The following SLC39A11 variants were observed in gnomAD, a reference collection of about 807,000 sequenced individuals.
The protein encoded by SLC39A11 is zinc transporter ZIP11.
Under a neutral mutation model 36.1 loss-of-function variants are expected in SLC39A11, and 33 were observed. The ratio of observed to expected loss-of-function variants is 0.91; its 90% CI spans 0.69 to 1.22. The LOEUF is 1.22. Among genes scored for constraint, SLC39A11 ranks in the 50% most tolerant of loss-of-function variants. SLC39A11 has a pLI of 0.00. For missense variants in SLC39A11, 432 were observed against 430.3 expected (o/e 1.00, Z -0.03); for synonymous variants, 166 against 170.3 (o/e 0.97, Z 0.20).
chr17:72,701,726 TCAAAA>T (rs2072633764), intron 7 of SLC39A11, among the ~76,000 whole-genome samples: 1 of 24,784 alleles, frequency 4.0e-5, no homozygotes. Context: ...AGATTCTGTC[TCAAAA>T]AAAAAAAAAA....
At chr17:72,810,539 A>G (rs1332557362) in intron 6 of SLC39A11, among the ~76,000 whole-genome samples, 1 of 152,232 alleles carries the variant, frequency 6.6e-6, no homozygotes, top group Admixed American at 6.5e-5. Flanking sequence ...GAGCAGGTGG[A>G]ACCTATCTAT....
chr17:72,966,376 C>T (rs1325353154), intron 4 of SLC39A11, among the ~76,000 whole-genome samples: 3 of 152,188 alleles, frequency 2.0e-5, no homozygotes, highest in African/African-American at 4.8e-5. Context: ...TACTACCGCC[C>T]CCCACAGAGG....
At position 72,785,342 on chromosome 17, in the gene SLC39A11, G is replaced by C. The variant is rs200298570; in HGVS notation, c.602-48623C>G. On this transcript the variant is annotated intron_variant, in intron 6 of 9. Coordinates refer to ENST00000255559, the MANE Select transcript of SLC39A11 (RefSeq NM_139177.4). ...CTCTCCCAATCTCTCTCTCCTCCAT[G>C]GCTAGATGTTTGTAGGCTGAAGGGA... is the stretch of plus-strand genomic sequence containing the variant. Among the ~76,000 whole-genome samples the C allele has an allele frequency of 2.0e-5, 3 of 152,122 alleles. No individual in the cohort carries two copies. The East Asian group carries it at 5.8e-4, about 29-fold the overall frequency.
At chr17:73,009,260 G>A (rs368625404) in intron 4 of SLC39A11, among the ~76,000 whole-genome samples, 28 of 150,596 alleles carry the variant, frequency 1.9e-4, no homozygotes, top group Admixed American at 5.3e-4. Context: ...TCCCCGCTAC[G>A]GGGGAGGCTG....
chr17:72,731,285 G>A (rs997241594), intron 7 of SLC39A11, among the ~76,000 whole-genome samples: 2 of 152,170 alleles, frequency 1.3e-5, no homozygotes, highest in African/African-American at 4.8e-5. Context: ...TCGTTTCTGT[G>A]TAGAGAATCC....
intron 3 of SLC39A11, among the ~76,000 whole-genome samples, chr17:73,084,369 T>C (rs1050200091): frequency 2.2e-5 from 3 of 138,602 alleles, no homozygotes; most frequent in Non-Finnish European, 4.5e-5. Context: ...TCCAGAGAAG[T>C]TGAAGCTGCA....
At chr17:73,026,829 C>T (rs549714889) in intron 4 of SLC39A11, among the ~76,000 whole-genome samples, 4 of 152,044 alleles carry the variant, frequency 2.6e-5, no homozygotes, top group South Asian at 2.1e-4. Context: ...AAACTGAAGG[C>T]GGGCCAGGTG....
chr17:72,850,538 T>C (rs1049735385), intron 5 of SLC39A11, among the ~76,000 whole-genome samples: 1 of 149,306 alleles, frequency 6.7e-6, no homozygotes, highest in Non-Finnish European at 1.5e-5. Flanking sequence ...AAGATGAAGA[T>C]GTGGTATCCT....
intron 4 of SLC39A11, among the ~76,000 whole-genome samples, chr17:72,954,397 A>G (rs937003687): frequency 8.5e-5 from 13 of 152,240 alleles, no homozygotes; most frequent in African/African-American, 3.1e-4. Flanking sequence ...AGCTACAGCT[A>G]CATGGAAGCC....
intron 7 of SLC39A11, among the ~76,000 whole-genome samples, chr17:72,677,532 G>A (rs756997288): frequency 6.6e-6 from 1 of 152,174 alleles, no homozygotes; most frequent in Non-Finnish European, 1.5e-5. Context: ...ATTTAAAGCC[G>A]GAAGTGACGC....
At chr17:73,059,149 T>A (rs2059762007) in intron 3 of SLC39A11, among the ~76,000 whole-genome samples, 1 of 152,206 alleles carries the variant, frequency 6.6e-6, no homozygotes, top group Non-Finnish European at 1.5e-5. Flanking sequence ...TATAAATACT[T>A]TGGCATCTTG....
chr17:72,799,957 T>C (rs1471156059), intron 6 of SLC39A11, among the ~76,000 whole-genome samples: 2 of 152,072 alleles, frequency 1.3e-5, no homozygotes, highest in African/African-American at 4.8e-5. Flanking sequence ...GGTCTGAGAC[T>C]CAGGCGGGCA....
intron 7 of SLC39A11, among the ~76,000 whole-genome samples, chr17:72,676,070 T>TCA (rs3222866): frequency 0.038 from 4,933 of 129,934 alleles, 75 homozygotes; most frequent in Middle Eastern, 0.07. Flanking sequence ...TCACAATGTT[T>TCA]CACACACACA....
chr17:72,736,558 A>G, intron 7 of SLC39A11, 92 bp downstream of exon 7: 2 of 1,113,462 alleles, frequency 1.8e-6, no homozygotes, highest in Non-Finnish European at 2.7e-6. Flanking sequence ...GTGCTGAACA[A>G]TAATGCACAG....
chr17:73,081,712 C>T (rs1232599350), intron 3 of SLC39A11, among the ~76,000 whole-genome samples: 5 of 139,952 alleles, frequency 3.6e-5, no homozygotes, highest in African/African-American at 7.9e-5. Flanking sequence ...TATATATATA[C>T]ACATATATGT....
chr17:73,086,697 G>A (rs189579335), intron 2 of SLC39A11, among the ~76,000 whole-genome samples: 78 of 152,268 alleles, frequency 5.1e-4, no homozygotes, highest in South Asian at 2.5e-3. Flanking sequence ...GTGCACACCC[G>A]TAGTCTCAGC....
chr17:72,763,951 C>A (rs1375632166), intron 6 of SLC39A11, among the ~76,000 whole-genome samples: 1 of 152,108 alleles, frequency 6.6e-6, no homozygotes, highest in Non-Finnish European at 1.5e-5. Flanking sequence ...ACCTACCTCC[C>A]AGGATCTTTG....
At chr17:72,773,831 C>T (rs575104166) in intron 6 of SLC39A11, among the ~76,000 whole-genome samples, 109 of 152,258 alleles carry the variant, frequency 7.2e-4, no homozygotes, top group African/African-American at 2.6e-3. Context: ...AAAAAATATT[C>T]AGGCTTAGCC....
In SLC39A11 at chr17:72,952,160, G is replaced by A. The variant is rs185047533; in HGVS notation, c.307-4285C>T. Among the ~76,000 whole-genome samples, 18 of 152,274 alleles carry A rather than the reference G, an allele frequency of 1.2e-4. No homozygotes were observed. The East Asian group carries it at 2.1e-3, about 18-fold the overall frequency. The stretch of plus-strand genomic sequence containing the variant: ...CGTGGGAGCTACAGAAAGTATCTCC[G>A]GAGTAATGCCAAGGACAGCTCCTTC... On this transcript the variant is annotated intron_variant, in intron 4 of 9. Coordinates refer to ENST00000255559, the MANE Select transcript of SLC39A11 (RefSeq NM_139177.4).
Sources: allele counts gnomAD v4.1 joint callset (sites outside exome capture counted in the v4.1 genomes callset), GRCh38; gene constraint gnomAD v4.1.1; transcripts MANE v1.5; gene names NCBI Gene and HGNC (gene_info 2026-07-23, HGNC 2026-07-21).